LMBR1: variants seen among roughly 807,000 people sequenced by gnomAD.
LMBR1 encodes the protein limb development membrane protein 1, also known as limb region 1 protein homolog.
A neutral mutation model predicts 73.9 loss-of-function variants in LMBR1; 52 were observed. That is an observed-to-expected ratio of 0.70 (90% CI 0.56 to 0.89). LMBR1 has a LOEUF of 0.89. Among genes scored for constraint, LMBR1 ranks in the 40% least tolerant of loss-of-function variants. LMBR1 has a pLI of 0.00. For missense variants in LMBR1, 539 were observed against 579.8 expected, an observed-to-expected ratio of 0.93 and a Z score of 0.72; for synonymous variants, 215 against 209.4, an observed-to-expected ratio of 1.03 and a Z score of -0.23.
At chr7:156,671,910 A>G (rs978787274) in intron 4 of LMBR1, among the ~76,000 whole-genome samples, 4 of 152,232 alleles carry the variant, frequency 2.6e-5, no homozygotes, top group South Asian at 2.1e-4. Context: ...TTAATCGAAG[A>G]CAAAATTATA....
At chr7:156,764,624 C>A (rs977669898) in intron 5 of LMBR1, among the ~76,000 whole-genome samples, 1 of 152,182 alleles carries the variant, frequency 6.6e-6, no homozygotes. Context: ...ACACAACCAA[C>A]AAAATTATAA....
intron 5 of LMBR1, among the ~76,000 whole-genome samples, chr7:156,787,336 C>CA (rs1407136537): frequency 4.6e-5 from 7 of 152,148 alleles, no homozygotes; most frequent in Non-Finnish European, 1.0e-4. Context: ...TTCAAATACT[C>CA]AGAGATTTTT....
At chr7:156,687,855 C>G (rs772676947) in intron 16 of LMBR1, among the ~76,000 whole-genome samples, 175 bp downstream of exon 16, 1 of 152,124 alleles carries the variant, frequency 6.6e-6, no homozygotes. Context: ...CACTGTATTA[C>G]AGATAAGGAA....
At chr7:156,728,438 TA>T (rs1252848054) in intron 11 of LMBR1, among the ~76,000 whole-genome samples, 1 of 152,232 alleles carries the variant, frequency 6.6e-6, no homozygotes, top group Non-Finnish European at 1.5e-5. Context: ...AAGAAACAGA[TA>T]ATCTTCAGAA....
chr7:156,709,802 T>C (rs949774752), intron 15 of LMBR1, among the ~76,000 whole-genome samples: 1 of 151,674 alleles, frequency 6.6e-6, no homozygotes, highest in African/African-American at 2.4e-5. Flanking sequence ...AACCGGGTTC[T>C]ATAACACTCC....
At position 156,680,962 on chromosome 7, in the gene LMBR1, T is replaced by G; in HGVS notation, c.*3116A>C. On this transcript the variant is annotated 3_prime_UTR_variant, in exon 17 of 17. Transcript: ENST00000353442. Reference sequence around the variant, plus strand: ...TCTCATAGAAACAAAGACTAACAATTTGTAAACAAAACAATCTGTAAACAA... The same window carrying G: ...TCTCATAGAAACAAAGACTAACAATGTGTAAACAAAACAATCTGTAAACAA... 3.4e-6 allele frequency: 1 copy of G among 289,912 alleles called. No individual in the cohort carries two copies. The highest frequency in any genetic ancestry group is 3.1e-5 in the South Asian group (1 of 32,638). 18.0% of individuals were successfully genotyped at this position (289,912 alleles called of 1,614,324 possible). A position where few individuals can be genotyped will look rare whatever the true frequency, so the allele number is the denominator to read the frequency against.
chr7:156,852,243 T>A (rs1796335964), intron 1 of LMBR1, among the ~76,000 whole-genome samples: 1 of 152,126 alleles, frequency 6.6e-6, no homozygotes, highest in Non-Finnish European at 1.5e-5. Flanking sequence ...GTAGTGTAAA[T>A]CCTATCAGAA....
chr7:156,749,674 C>T (rs564217237), intron 9 of LMBR1, among the ~76,000 whole-genome samples: 3 of 152,072 alleles, frequency 2.0e-5, no homozygotes, highest in African/African-American at 7.2e-5. Flanking sequence ...ATAATTAATA[C>T]AAGCTTCAAT....
At position 156,670,639 on chromosome 7, in the gene LMBR1, T is replaced by C. The variant is rs916269925; in HGVS notation, n.867-1352A>G. On this transcript the variant is annotated intron_variant and non_coding_transcript_variant, in intron 4 of 4. Transcript: ENST00000430825. The surrounding 1 kb of genome is among the most constrained non-coding windows in gnomAD (Gnocchi z 4.3). Reference sequence around the variant, plus strand: ...AGTGGCCAGGAACGAGGACAGACGATGGCAAACCCTGGGACCTGCAGATTT... The same window carrying C: ...AGTGGCCAGGAACGAGGACAGACGACGGCAAACCCTGGGACCTGCAGATTT... 6.6e-6 allele frequency among the ~76,000 whole-genome samples: 1 copy of C among 152,128 alleles called. No homozygotes were observed. The highest frequency in any genetic ancestry group is 2.4e-5 in the African/African-American group (1 of 41,418).
At chr7:156,716,496 C>T (rs1813240957) in intron 15 of LMBR1, among the ~76,000 whole-genome samples, 1 of 152,174 alleles carries the variant, frequency 6.6e-6, no homozygotes, top group Non-Finnish European at 1.5e-5. Context: ...ACCTTATGTG[C>T]TAATTTTCAA....
chr7:156,864,883 G>C (rs1462184997), intron 1 of LMBR1, among the ~76,000 whole-genome samples: 1 of 151,102 alleles, frequency 6.6e-6, no homozygotes, highest in Non-Finnish European at 1.5e-5. Flanking sequence ...GTAATACCAG[G>C]TATTCAGGAG....
chr7:156,751,785 G>A (rs957064662), intron 9 of LMBR1, among the ~76,000 whole-genome samples: 2 of 152,182 alleles, frequency 1.3e-5, no homozygotes, highest in South Asian at 2.1e-4. Flanking sequence ...CTGTAGAGAA[G>A]GGCCGATGGC....
intron 1 of LMBR1, among the ~76,000 whole-genome samples, chr7:156,884,541 A>G (rs1392712253): frequency 6.6e-6 from 1 of 152,154 alleles, no homozygotes; most frequent in Non-Finnish European, 1.5e-5. Flanking sequence ...TAAGCTATCC[A>G]GTTACAGAAT....
Position 156,685,236 on chromosome 7 carries a change from A to G in LMBR1, c.1388-1073T>C, listed in dbSNP as rs951886511. On this transcript the variant is annotated intron_variant, in intron 16 of 16. Transcript: ENST00000353442. The surrounding 1 kb of genome is among the most constrained non-coding windows in gnomAD (Gnocchi z 4.1). Reference sequence around the variant, plus strand: ...ACATAATATACCTGATACACAGACCAACATTGCCCTCTCACAGGGAGAAAG... The same window carrying G: ...ACATAATATACCTGATACACAGACCGACATTGCCCTCTCACAGGGAGAAAG... 6.6e-6 allele frequency among the ~76,000 whole-genome samples: 1 copy of G among 152,236 alleles called. No individual in the cohort carries two copies. Among genetic ancestry groups the G allele is most frequent in the Non-Finnish European group, 1.5e-5 (1 of 68,040 alleles).
intron 15 of LMBR1, among the ~76,000 whole-genome samples, chr7:156,698,242 T>A (rs903697132): frequency 5.9e-5 from 9 of 152,190 alleles, no homozygotes; most frequent in Admixed American, 5.9e-4. Context: ...GGGTACAGCC[T>A]CCCTCCCAGC....
chr7:156,742,049 G>C (rs1409269290), intron 9 of LMBR1, among the ~76,000 whole-genome samples: 1 of 152,052 alleles, frequency 6.6e-6, no homozygotes, highest in African/African-American at 2.4e-5. Flanking sequence ...AATCACCAGT[G>C]GGTCAATGAA....
intron 1 of LMBR1, among the ~76,000 whole-genome samples, chr7:156,875,906 T>TAAA (rs200997034): frequency 7.1e-6 from 1 of 141,274 alleles, no homozygotes; most frequent in South Asian, 2.2e-4. Context: ...AAAATACAAT[T>TAAA]AAAAAAAAAA....
chr7:156,700,777 A>G (rs1218593660), intron 15 of LMBR1, among the ~76,000 whole-genome samples: 1 of 152,172 alleles, frequency 6.6e-6, no homozygotes, highest in East Asian at 1.9e-4. Flanking sequence ...AGTCGCTTCC[A>G]TATTTTCAGG....
At chr7:156,869,296 T>C (rs1040184904) in intron 1 of LMBR1, among the ~76,000 whole-genome samples, 1 of 151,978 alleles carries the variant, frequency 6.6e-6, no homozygotes, top group African/African-American at 2.4e-5. Flanking sequence ...TCTACAAATA[T>C]CTACTACAGA....
Sources: allele counts gnomAD v4.1 joint callset (sites outside exome capture counted in the v4.1 genomes callset), GRCh38; gene constraint gnomAD v4.1.1; non-coding constraint Gnocchi (gnomAD v3.1); transcripts MANE v1.5; gene names NCBI Gene and HGNC (gene_info 2026-07-23, HGNC 2026-07-21).